The following PSMA3 variants were observed in gnomAD, a reference collection of about 807,000 sequenced individuals.
PSMA3 encodes the protein proteasome 20S subunit alpha 3.
In PSMA3, 8 loss-of-function variants were observed where a neutral mutation model predicts 40.0. The ratio of observed to expected loss-of-function variants is 0.20; its 90% CI spans 0.12 to 0.36. The LOEUF is 0.36. Among genes scored for constraint, PSMA3 ranks in the 10% least tolerant of loss-of-function variants. The probability of loss-of-function intolerance (pLI) is 1.00; values close to 1 mark genes in which losing one functional copy is unlikely to be tolerated. For synonymous variants in PSMA3, 110 were observed against 100.0 expected, an observed-to-expected ratio of 1.10 and a Z score of -0.59; for missense variants, 219 against 310.6, an observed-to-expected ratio of 0.70 and a Z score of 2.22.
In PSMA3 at chr14:58,260,972, G is replaced by T; in HGVS notation, c.429G>T (p.Val143=). The T allele has an allele frequency of 6.2e-7, 1 of 1,612,790 alleles. No homozygotes were observed. The highest frequency in any genetic ancestry group is 1.1e-5 in the South Asian group (1 of 90,968). Residue 143 remains valine (V), a synonymous_variant, in exon 6 of 11, where the codon GTG becomes GTT. Transcript: ENST00000216455. ...GCSFMLGSYS[V]NDGAQLYMID... ...GTTTCATGTTAGGGTCTTACAGTGT[G>T]AATGACGGTGCGCAACTCTACATGA... is the stretch of plus-strand genomic sequence containing the variant.
intron 7 of PSMA3, chr14:58,265,941 G>C (rs146220082): frequency 4.6e-5 from 7 of 152,156 alleles, no homozygotes; most frequent in African/African-American, 7.2e-5. Flanking sequence ...AAAGCTGCAG[G>C]CGTAATATTG....
chr14:58,267,386 T>C (rs1890473389), intron 7 of PSMA3, 88 bp from the exon 8 acceptor site: 2 of 1,336,416 alleles, frequency 1.5e-6, no homozygotes, highest in East Asian at 5.6e-5. Flanking sequence ...TTTTCCTTGG[T>C]TTTATATCTG....
At chr14:58,265,126 T>C (rs1283673594) in intron 7 of PSMA3, 1 of 152,070 alleles carries the variant, frequency 6.6e-6, no homozygotes, top group African/African-American at 2.4e-5. Flanking sequence ...GGTGAGGTGG[T>C]GCGTGCCTGT....
chr14:58,264,072 C>G (rs969198915), intron 7 of PSMA3, among the ~76,000 whole-genome samples: 4 of 152,128 alleles, frequency 2.6e-5, no homozygotes, highest in African/African-American at 7.2e-5. Context: ...AATGGGAAAG[C>G]TGGTAACATA....
chr14:58,244,999 C>G, intron 1 of PSMA3, 58 bp downstream of exon 1: 2 of 1,611,986 alleles, frequency 1.2e-6, no homozygotes, highest in Non-Finnish European at 1.7e-6. Flanking sequence ...TTGAAGGGAA[C>G]TCGGACAGAC....
intron 7 of PSMA3, chr14:58,266,462 T>C (rs990577535): frequency 1.3e-5 from 2 of 152,198 alleles, no homozygotes; most frequent in Non-Finnish European, 2.9e-5. Context: ...CAGAAATGCC[T>C]GTCTATTCAG....
At chr14:58,254,440 T>A (rs1443184813) in intron 3 of PSMA3, among the ~76,000 whole-genome samples, 1 of 144,842 alleles carries the variant, frequency 6.9e-6, no homozygotes, top group African/African-American at 2.6e-5. Flanking sequence ...TGGGCTCAAG[T>A]GATTCTTCTG....
intron 6 of PSMA3, 68 bp downstream of exon 6, chr14:58,261,088 A>C: frequency 4.8e-6 from 5 of 1,049,096 alleles, no homozygotes; most frequent in Non-Finnish European, 7.1e-6. Flanking sequence ...TTTAAGTCTC[A>C]TTATAAGATT....
intron 3 of PSMA3, among the ~76,000 whole-genome samples, chr14:58,253,512 AT>A (rs936299812): frequency 1.3e-5 from 2 of 152,144 alleles, no homozygotes; most frequent in South Asian, 2.1e-4. Context: ...CATAAAGCTA[AT>A]TTTTTTCTTC....
chr14:58,259,846 G>A (rs1443227810), intron 5 of PSMA3, among the ~76,000 whole-genome samples: 3 of 152,102 alleles, frequency 2.0e-5, no homozygotes, highest in African/African-American at 7.2e-5. Context: ...AAGTATGCTT[G>A]GTGTGTAGAG....
intron 5 of PSMA3, 130 bp downstream of exon 5, chr14:58,258,128 T>C: frequency 2.8e-6 from 2 of 703,082 alleles, no homozygotes; most frequent in Non-Finnish European, 4.8e-6. Context: ...AATGATTAAA[T>C]AAAACAGTGT....
At chr14:58,245,194 G>A (rs1837643797) in intron 1 of PSMA3, 3 of 529,806 alleles carry the variant, frequency 5.7e-6, no homozygotes, top group Admixed American at 6.2e-5. Flanking sequence ...GAGGTTTGGA[G>A]CCGCTTTGGA....
At chr14:58,268,382 A>G (rs895296448) in intron 8 of PSMA3, among the ~76,000 whole-genome samples, 1 of 152,144 alleles carries the variant, frequency 6.6e-6, no homozygotes, top group South Asian at 2.1e-4. Context: ...GGAAGAAAAA[A>G]ATTCCAATGG....
At chr14:58,265,089 C>T (rs899169935) in intron 7 of PSMA3, 1 of 152,116 alleles carries the variant, frequency 6.6e-6, no homozygotes, top group Non-Finnish European at 1.5e-5. Context: ...GAGTAAGACC[C>T]TATCTCCCAA....
intron 1 of PSMA3, 36 bp from the exon 2 acceptor site, chr14:58,247,714 A>G (rs1229899952): frequency 7.1e-7 from 1 of 1,408,170 alleles, no homozygotes; most frequent in Non-Finnish European, 9.9e-7. Context: ...ATTACTGCCA[A>G]AGATACAAGC....
intron 5 of PSMA3, chr14:58,258,542 T>G (rs941996926): frequency 4.6e-5 from 7 of 151,980 alleles, no homozygotes; most frequent in Admixed American, 3.9e-4. Context: ...TTAATCTGAT[T>G]ATAATAAGCT....
chr14:58,253,657 G>A lies in PSMA3; in HGVS notation c.228+1415G>A, dbSNP rs964638509. Reference sequence around the variant, plus strand: ...CATCCAGGAAGGAGTGCAATGGCGCGATCTCAGCTCACTGCAACCTCTGCC... The same window carrying A: ...CATCCAGGAAGGAGTGCAATGGCGCAATCTCAGCTCACTGCAACCTCTGCC... On this transcript the variant is annotated intron_variant, in intron 3 of 10. Coordinates refer to ENST00000216455, the MANE Select transcript of PSMA3 (RefSeq NM_002788.4). 1.1e-4 allele frequency among the ~76,000 whole-genome samples: 16 copies of A among 151,834 alleles called. 1 individual carries two copies. Among genetic ancestry groups the A allele is most frequent in the Admixed American group, 2.6e-4 (4 of 15,254 alleles).
chr14:58,246,353 C>CT (rs941900448), intron 1 of PSMA3, among the ~76,000 whole-genome samples: 1 of 152,132 alleles, frequency 6.6e-6, no homozygotes, highest in Non-Finnish European at 1.5e-5. Flanking sequence ...TCTTTAATTC[C>CT]TTTTTTTACT....
At position 58,262,236 on chromosome 14, in the gene PSMA3, G is replaced by A. The variant is rs150526149; in HGVS notation, c.477+1216G>A. On this transcript the variant is annotated intron_variant, in intron 6 of 10. Transcript: ENST00000216455. ...GAGCCACAGTGCCGGACCTAATTTT[G>A]TTTCAGACAGCGTCTCGCTCTGTCA... 2.7e-3 allele frequency among the ~76,000 whole-genome samples: 407 copies of A among 151,718 alleles called. 3 individuals are homozygous for A. The highest frequency in any genetic ancestry group is 9.2e-3 in the African/African-American group (382 of 41,356).
Sources: allele counts gnomAD v4.1 joint callset (sites outside exome capture counted in the v4.1 genomes callset), GRCh38; gene constraint gnomAD v4.1.1; transcripts MANE v1.5; gene names NCBI Gene and HGNC (gene_info 2026-07-23, HGNC 2026-07-21).